CLIC5: variants seen among roughly 807,000 people sequenced by gnomAD.
CLIC5 encodes chloride intracellular channel protein 5.
Under a neutral mutation model 24.7 loss-of-function variants are expected in CLIC5, and 20 were observed. That is an observed-to-expected ratio of 0.81 (90% confidence interval 0.57 to 1.18). The LOEUF (loss-of-function observed/expected upper bound fraction) is 1.18, where lower values mean the gene tolerates loss of function less well. Among genes scored for constraint, CLIC5 ranks in the 50% most tolerant of loss-of-function variants. CLIC5 has a pLI of 0.00. For missense variants in CLIC5, 341 were observed against 326.1 expected, an observed-to-expected ratio of 1.05 and a Z score of -0.35; for synonymous variants, 159 against 135.6, an observed-to-expected ratio of 1.17 and a Z score of -1.20.
the CLIC5 span, among the ~76,000 whole-genome samples, chr6:46,088,195 GACAC>G: frequency 6.6e-6 from 1 of 150,680 alleles, no homozygotes; most frequent in Non-Finnish European, 1.5e-5. Context: ...GTGTGTGTGT[GACAC>G]TGTATAATAT....
intron 4 of CLIC5, among the ~76,000 whole-genome samples, chr6:45,916,753 A>G (rs1221320041): frequency 2.0e-5 from 3 of 152,206 alleles, no homozygotes; most frequent in African/African-American, 4.8e-5. Flanking sequence ...TCGAGATGGA[A>G]GGCATCAAGT....
intron 1 of CLIC5, among the ~76,000 whole-genome samples, chr6:45,966,242 A>G (rs553582105): frequency 4.7e-4 from 72 of 152,318 alleles, no homozygotes; most frequent in African/African-American, 1.7e-3. Context: ...ACTTATGAAA[A>G]AAGTTTTTGC....
chr6:46,072,071 C>T (rs1304977577), intron 1 of CLIC5, among the ~76,000 whole-genome samples: 1 of 151,912 alleles, frequency 6.6e-6, no homozygotes, highest in East Asian at 1.9e-4. Flanking sequence ...ACAACACACA[C>T]TGGGGCCTAT....
At chr6:46,125,982 T>C in the CLIC5 span, among the ~76,000 whole-genome samples, 3 of 152,146 alleles carry the variant, frequency 2.0e-5, no homozygotes, top group Non-Finnish European at 4.4e-5. Context: ...GTTAATGGAG[T>C]AAAATTGGCT....
At chr6:46,091,205 C>T in the CLIC5 span, among the ~76,000 whole-genome samples, 1 of 152,020 alleles carries the variant, frequency 6.6e-6, no homozygotes, top group African/African-American at 2.4e-5. Context: ...TGAACTTATC[C>T]CTCCTGTCTA....
Position 45,999,591 on chromosome 6 carries a change from C to A in CLIC5, c.63+15889G>T, listed in dbSNP as rs905456236. Among the ~76,000 whole-genome samples the A allele has an allele frequency of 5.9e-4, 89 of 152,104 alleles. 1 individual carries two copies. The highest frequency in any genetic ancestry group is 1.0e-4 in the Non-Finnish European group (7 of 68,024). On this transcript the variant is annotated intron_variant, in intron 1 of 5. Coordinates refer to ENST00000339561, the MANE Select transcript of CLIC5 (RefSeq NM_016929.5). ...ATAAGTGGGTCTTCCACCTCTGTCACTCCCGAGAGAATAAGGCCAACCCCT... is the reference window on the plus strand; with the variant it reads ...ATAAGTGGGTCTTCCACCTCTGTCAATCCCGAGAGAATAAGGCCAACCCCT...
chr6:45,973,542 T>C (rs1250496801), intron 1 of CLIC5, among the ~76,000 whole-genome samples: 2 of 152,240 alleles, frequency 1.3e-5, no homozygotes, highest in Admixed American at 1.3e-4. Flanking sequence ...CATCCCAATA[T>C]ATATAAAATG....
chr6:46,061,514 G>C (rs551810845), intron 1 of CLIC5, among the ~76,000 whole-genome samples: 19 of 152,306 alleles, frequency 1.2e-4, no homozygotes, highest in African/African-American at 4.6e-4. Flanking sequence ...GACTGAGAAG[G>C]GTGGTCAAGT....
At chr6:46,106,710 C>T in the CLIC5 span, among the ~76,000 whole-genome samples, 1 of 152,152 alleles carries the variant, frequency 6.6e-6, no homozygotes, top group Non-Finnish European at 1.5e-5. Context: ...TTTATGTTAC[C>T]TTGGCATTTA....
chr6:46,106,136 G>A, the CLIC5 span, among the ~76,000 whole-genome samples: 1 of 152,222 alleles, frequency 6.6e-6, no homozygotes, highest in East Asian at 1.9e-4. Flanking sequence ...ACAGAGTTTC[G>A]CTCTGTCACC....
chr6:46,053,452 G>T (rs1768159972), intron 1 of CLIC5, among the ~76,000 whole-genome samples: 1 of 152,202 alleles, frequency 6.6e-6, no homozygotes, highest in Admixed American at 6.5e-5. Context: ...ATGAATAAAA[G>T]GATGAAAGTA....
At position 45,914,403 on chromosome 6, in the gene CLIC5, T is replaced by G. The variant is rs747499524; in HGVS notation, c.413A>C (p.Glu138Ala). ...NTKQQNNAAL[E>A]RGLTKALKKL... The stretch of plus-strand genomic sequence containing the variant: ...CTTTAGAGCCTTGGTTAGGCCTCTT[T>G]CAAGAGCTGGCATGAAAGAGTAAAA... Residue 138 changes from glutamate to alanine, a missense_variant, in exon 5 of 6, where the codon GAA becomes GCA. Transcript: ENST00000339561. The G allele has an allele frequency of 6.4e-7, 1 of 1,568,128 alleles. No homozygotes were observed. The highest frequency in any genetic ancestry group is 8.7e-7 in the Non-Finnish European group (1 of 1,147,678).
At chr6:45,971,943 T>C (rs927600425) in intron 1 of CLIC5, among the ~76,000 whole-genome samples, 1 of 152,206 alleles carries the variant, frequency 6.6e-6, no homozygotes, top group African/African-American at 2.4e-5. Flanking sequence ...GAGTTTCTTC[T>C]ACTAAGTTGT....
chr6:45,974,532 G>GAC (rs1765321257), intron 1 of CLIC5, among the ~76,000 whole-genome samples: 4 of 88,882 alleles, frequency 4.5e-5, no homozygotes, highest in South Asian at 4.3e-4. Context: ...TAGAGAGAGA[G>GAC]AGAGAGAGAG....
Position 45,906,593 on chromosome 6 carries a change from G to A in CLIC5, c.589-3338C>T, listed in dbSNP as rs1300884196. Reference sequence around the variant, plus strand: ...TTTTTTTTTTTTGAGATGGAGTTTCGCTCTTGTTGCCCAGGCTGGAGTGCA... The same window carrying A: ...TTTTTTTTTTTTGAGATGGAGTTTCACTCTTGTTGCCCAGGCTGGAGTGCA... On this transcript the variant is annotated intron_variant, in intron 5 of 5. Coordinates refer to ENST00000339561, the MANE Select transcript of CLIC5 (RefSeq NM_016929.5). Among the ~76,000 whole-genome samples the A allele has an allele frequency of 1.8e-4, 26 of 143,032 alleles. 1 individual carries two copies. The East Asian group carries it at 3.6e-3, about 20-fold the overall frequency. The allele number at this position is 143,032 out of a possible 152,430, so 93.8% of individuals were successfully genotyped here. A position where few individuals can be genotyped will look rare whatever the true frequency, so the allele number is the denominator to read the frequency against.
At chr6:45,922,690 A>G (rs1218158023) in intron 4 of CLIC5, among the ~76,000 whole-genome samples, 1 of 152,198 alleles carries the variant, frequency 6.6e-6, no homozygotes, top group Non-Finnish European at 1.5e-5. Context: ...CTTAAAAGCC[A>G]CAGTAGATTT....
At chr6:45,907,914 C>A (rs1490710732) in intron 5 of CLIC5, among the ~76,000 whole-genome samples, 2 of 152,080 alleles carry the variant, frequency 1.3e-5, no homozygotes, top group Non-Finnish European at 2.9e-5. Context: ...CTTTCTCTTG[C>A]CCAATTGCTC....
chr6:46,061,898 AG>A (rs1260741466), intron 1 of CLIC5, among the ~76,000 whole-genome samples: 1 of 152,244 alleles, frequency 6.6e-6, no homozygotes, highest in African/African-American at 2.4e-5. Context: ...ATAAAGACCC[AG>A]GGAAGAGCCT....
chr6:45,982,708 G>T (rs758617469), intron 1 of CLIC5, among the ~76,000 whole-genome samples: 1 of 152,144 alleles, frequency 6.6e-6, no homozygotes, highest in Admixed American at 6.5e-5. Flanking sequence ...TTATTATGTG[G>T]TATGTGACTC....
Sources: gnomAD v4.1 joint callset for allele counts (sites outside exome capture counted in the v4.1 genomes callset) on GRCh38, gnomAD v4.1.1 for gene constraint, MANE v1.5 for transcripts, NCBI Gene and HGNC (gene_info 2026-07-23, HGNC 2026-07-21) for gene names.